ADAMTS20: variants seen among roughly 807,000 people sequenced by gnomAD.
ADAMTS20 encodes A disintegrin and metalloproteinase with thrombospondin motifs 20.
A neutral mutation model predicts 260.1 loss-of-function variants in ADAMTS20; 225 were observed. That is an observed-to-expected ratio of 0.87 (90% CI 0.78 to 0.97). The LOEUF (loss-of-function observed/expected upper bound fraction) is 0.97, where lower values mean the gene tolerates loss of function less well. Ranked by LOEUF, ADAMTS20 falls within the 50% of genes least tolerant of loss-of-function variation. The probability of loss-of-function intolerance (pLI) is 0.00; values close to 1 mark genes in which losing one functional copy is unlikely to be tolerated. For missense variants in ADAMTS20, 2,400 were observed against 2,337.7 expected, an observed-to-expected ratio of 1.03 and a Z score of -0.55; for synonymous variants, 802 against 769.5, an observed-to-expected ratio of 1.04 and a Z score of -0.70.
At chr12:43,501,572 G>A (rs544229558) in intron 4 of ADAMTS20, among the ~76,000 whole-genome samples, 21 of 151,870 alleles carry the variant, frequency 1.4e-4, no homozygotes, top group Admixed American at 1.2e-3. Context: ...ATTCAGTTCT[G>A]TGGGTACTAG....
At chr12:43,482,074 A>G (rs1942450784) in intron 7 of ADAMTS20, among the ~76,000 whole-genome samples, 1 of 152,016 alleles carries the variant, frequency 6.6e-6, no homozygotes, top group African/African-American at 2.4e-5. Flanking sequence ...CGGGGAATAT[A>G]TGAGAAGGAA....
intron 3 of ADAMTS20, among the ~76,000 whole-genome samples, chr12:43,518,910 G>T (rs1036227773): frequency 6.6e-6 from 1 of 150,968 alleles, no homozygotes; most frequent in Non-Finnish European, 1.5e-5. Context: ...CAAAATAAAC[G>T]CAATACCTGG....
chr12:43,381,734 T>A (rs1227741039), intron 31 of ADAMTS20, among the ~76,000 whole-genome samples: 1 of 136,302 alleles, frequency 7.3e-6, no homozygotes, highest in Non-Finnish European at 1.5e-5. Context: ...TGAGCTGTAA[T>A]TATACCACCG....
intron 15 of ADAMTS20, among the ~76,000 whole-genome samples, chr12:43,446,081 T>G (rs1171089043): frequency 6.6e-6 from 1 of 152,036 alleles, no homozygotes; most frequent in Non-Finnish European, 1.5e-5. Flanking sequence ...TCTGAAACAT[T>G]TAATTCAGAA....
intron 2 of ADAMTS20, among the ~76,000 whole-genome samples, chr12:43,542,932 C>T (rs1565588367): frequency 6.6e-6 from 1 of 152,082 alleles, no homozygotes; most frequent in Non-Finnish European, 1.5e-5. Flanking sequence ...TTAGATGTGG[C>T]CATGGAGGAA....
intron 3 of ADAMTS20, among the ~76,000 whole-genome samples, chr12:43,531,384 T>A (rs1943218249): frequency 6.6e-6 from 1 of 151,994 alleles, no homozygotes; most frequent in Admixed American, 6.6e-5. Context: ...TAAAGTAAAA[T>A]TTTTCTATGA....
chr12:43,453,948 T>A lies in ADAMTS20; in HGVS notation c.1719A>T (p.Gly573=), dbSNP rs1941917252. The A allele has an allele frequency of 1.2e-6, 2 of 1,612,196 alleles. No individual in the cohort carries two copies. The highest frequency in any genetic ancestry group is 2.7e-5 in the African/African-American group (2 of 74,902). The change falls in exon 12 of 39, where the codon GGA becomes GGT. Residue 573 remains glycine (G), a synonymous_variant. Transcript: ENST00000389420. ...GCCTGGTTGCACTTTCGATTCCGCC[T>A]CCACATGTTCTTGAACAAGAACTGT... is the stretch of plus-strand genomic sequence containing the variant. ...EPYSSCSRTC[G]GGIESATRRC...
intron 28 of ADAMTS20, among the ~76,000 whole-genome samples, chr12:43,403,431 G>C (rs934102956): frequency 6.6e-6 from 1 of 151,980 alleles, no homozygotes; most frequent in Non-Finnish European, 1.5e-5. Context: ...ATCTGGCACT[G>C]TATCCTTTCT....
intron 4 of ADAMTS20, among the ~76,000 whole-genome samples, chr12:43,494,113 G>C (rs1359638239): frequency 6.6e-6 from 1 of 152,178 alleles, no homozygotes. Flanking sequence ...TCCCACTCTG[G>C]ATCTGGGCTA....
At chr12:43,415,095 A>G (rs953694470) in intron 28 of ADAMTS20, among the ~76,000 whole-genome samples, 2 of 152,208 alleles carry the variant, frequency 1.3e-5, no homozygotes, top group Non-Finnish European at 2.9e-5. Flanking sequence ...TCTCAAGTAC[A>G]GTATCCTAAC....
At chr12:43,369,229 T>C (rs1940050533) in intron 37 of ADAMTS20, 61 bp downstream of exon 37, 1 of 1,041,492 alleles carries the variant, frequency 9.6e-7, no homozygotes, top group Non-Finnish European at 1.3e-6. Context: ...AAAAAATGAA[T>C]GAAGAGAAGC....
At chr12:43,472,675 C>A (rs943830422) in intron 7 of ADAMTS20, among the ~76,000 whole-genome samples, 2 of 141,192 alleles carry the variant, frequency 1.4e-5, no homozygotes, top group African/African-American at 5.4e-5. Flanking sequence ...GAGTGGGGGC[C>A]AATATTCAAC....
At chr12:43,463,737 A>C (rs1942105672) in intron 10 of ADAMTS20, among the ~76,000 whole-genome samples, 1 of 152,174 alleles carries the variant, frequency 6.6e-6, no homozygotes, top group Admixed American at 6.5e-5. Flanking sequence ...CTAATTAATT[A>C]ATTCTTTCAA....
intron 28 of ADAMTS20, among the ~76,000 whole-genome samples, chr12:43,404,543 A>G (rs773705107): frequency 2.0e-5 from 3 of 152,214 alleles, no homozygotes; most frequent in Non-Finnish European, 4.4e-5. Context: ...ATTAAGAGTA[A>G]GCATTATTTA....
At chr12:43,503,511 G>A (rs1942797595) in intron 3 of ADAMTS20, among the ~76,000 whole-genome samples, 1 of 151,880 alleles carries the variant, frequency 6.6e-6, no homozygotes, top group Non-Finnish European at 1.5e-5. Context: ...AGTTTCCACA[G>A]ATGAATTTTT....
chr12:43,381,397 A>G (rs144205535), intron 31 of ADAMTS20, among the ~76,000 whole-genome samples: 9 of 152,260 alleles, frequency 5.9e-5, no homozygotes, highest in African/African-American at 2.2e-4. Flanking sequence ...AAGAGAAAAG[A>G]TAACCCACAG....
chr12:43,479,689 AC>A (rs1252940511), intron 7 of ADAMTS20, among the ~76,000 whole-genome samples: 1 of 152,088 alleles, frequency 6.6e-6, no homozygotes, highest in Non-Finnish European at 1.5e-5. Flanking sequence ...AAAAAGTGAT[AC>A]CTTAAAGTAA....
At chr12:43,431,014 A>T (rs1475506725) in intron 22 of ADAMTS20, among the ~76,000 whole-genome samples, 1 of 152,246 alleles carries the variant, frequency 6.6e-6, no homozygotes, top group African/African-American at 2.4e-5. Context: ...TGCCTATCCT[A>T]AAAACAATAA....
At chr12:43,387,521 C>T (rs1160585956) in intron 29 of ADAMTS20, among the ~76,000 whole-genome samples, 1 of 152,324 alleles carries the variant, frequency 6.6e-6, no homozygotes, top group South Asian at 2.1e-4. Context: ...AAATGCTGTG[C>T]TGGGAGATCC....
Sources: gnomAD v4.1 joint callset for allele counts (sites outside exome capture counted in the v4.1 genomes callset) on GRCh38, gnomAD v4.1.1 for gene constraint, MANE v1.5 for transcripts, NCBI Gene and HGNC (gene_info 2026-07-23, HGNC 2026-07-21) for gene names.